Variants in PARN observed in about 807,000 individuals in gnomAD.
The protein encoded by PARN is poly(A)-specific ribonuclease, also known as poly(A)-specific ribonuclease PARN.
A neutral mutation model predicts 102.8 loss-of-function variants in PARN; 71 were observed. The observed-to-expected ratio is 0.69, with a 90% confidence interval of 0.57 to 0.84. The LOEUF is 0.84. Among genes scored for constraint, PARN ranks in the 40% least tolerant of loss-of-function variants. The probability of loss-of-function intolerance (pLI) is 0.00; values close to 1 mark genes in which losing one functional copy is unlikely to be tolerated. For missense variants in PARN, 782 were observed against 760.9 expected (o/e 1.03, Z -0.33); for synonymous variants, 261 against 252.9 (o/e 1.03, Z -0.30).
intron 12 of PARN, among the ~76,000 whole-genome samples, chr16:14,595,159 T>C (rs756499320): frequency 1.3e-5 from 2 of 152,242 alleles, no homozygotes; most frequent in Non-Finnish European, 2.9e-5. Flanking sequence ...TATGGGTTAG[T>C]AGCTCTGAAG....
Position 14,482,640 on chromosome 16 carries a change from A to G in PARN, c.1668T>C (p.Asn556=). The change falls in exon 22 of 24, where the codon AAT becomes AAC. Residue 556 remains asparagine (N), a splice_region_variant and synonymous_variant. Coordinates refer to ENST00000437198, the MANE Select transcript of PARN (RefSeq NM_002582.4). ...YTLQNHYYRN[N]SFTAPSTVGK... is the part of the protein sequence containing the mutation. ...AATTAACAGCTGAGAGCTCTTACCT[A>G]TTGTTGCGGTAATAGTGATTCTGCA... is the stretch of plus-strand genomic sequence containing the variant. 6.3e-7 allele frequency: 1 copy of G among 1,596,972 alleles called. No homozygotes were observed. Among genetic ancestry groups the G allele is most frequent in the Non-Finnish European group, 8.5e-7 (1 of 1,173,162 alleles).
At chr16:14,611,895 G>A (rs1971539238) in intron 6 of PARN, among the ~76,000 whole-genome samples, 1 of 152,084 alleles carries the variant, frequency 6.6e-6, no homozygotes, top group South Asian at 2.1e-4. Flanking sequence ...TGTGGGCAAT[G>A]GGGGTCTCTG....
intron 21 of PARN, among the ~76,000 whole-genome samples, chr16:14,507,266 C>T (rs1254129890): frequency 1.3e-5 from 2 of 150,750 alleles, no homozygotes; most frequent in Non-Finnish European, 3.0e-5. Flanking sequence ...GTGGAGGTTG[C>T]GGTGAGCTGA....
chr16:14,485,273 TTA>T (rs1379786050), intron 21 of PARN, among the ~76,000 whole-genome samples: 19 of 152,232 alleles, frequency 1.2e-4, no homozygotes, highest in Non-Finnish European at 2.4e-4. Flanking sequence ...CTTGGAACAG[TTA>T]TTTTTCTTAC....
intron 12 of PARN, among the ~76,000 whole-genome samples, chr16:14,596,675 G>C (rs1970534137): frequency 6.6e-6 from 1 of 152,076 alleles, no homozygotes; most frequent in South Asian, 2.1e-4. Context: ...GAGCCCGGGA[G>C]GTAGAGGCTG....
At chr16:14,622,803 G>A (rs1294970155) in intron 5 of PARN, among the ~76,000 whole-genome samples, 2 of 152,156 alleles carry the variant, frequency 1.3e-5, no homozygotes, top group African/African-American at 2.4e-5. Flanking sequence ...ACCACACCCG[G>A]CCCATTTTTT....
chr16:14,506,815 A>C (rs1211100429), intron 21 of PARN, among the ~76,000 whole-genome samples: 1 of 152,066 alleles, frequency 6.6e-6, no homozygotes, highest in Non-Finnish European at 1.5e-5. Flanking sequence ...ATATAGTGAG[A>C]TCTCACTGCC....
chr16:14,613,311 A>G (rs1183001933), intron 6 of PARN, among the ~76,000 whole-genome samples: 4 of 145,352 alleles, frequency 2.8e-5, no homozygotes, highest in Admixed American at 1.4e-4. Flanking sequence ...CTCCATCTCA[A>G]AAAAAAAAAA....
chr16:14,537,196 T>C (rs1306351824), intron 21 of PARN, among the ~76,000 whole-genome samples: 1 of 152,054 alleles, frequency 6.6e-6, no homozygotes, highest in East Asian at 1.9e-4. Context: ...ATGTTCAACA[T>C]CACTAAATCA....
intron 21 of PARN, among the ~76,000 whole-genome samples, chr16:14,513,276 T>C (rs1965296827): frequency 6.6e-6 from 1 of 152,090 alleles, no homozygotes; most frequent in South Asian, 2.1e-4. Context: ...AAAAACAAAA[T>C]CATTAACGTA....
At chr16:14,498,545 G>A (rs1040634670) in intron 21 of PARN, among the ~76,000 whole-genome samples, 2 of 152,062 alleles carry the variant, frequency 1.3e-5, no homozygotes, top group African/African-American at 2.4e-5. Flanking sequence ...CAGATGCAGA[G>A]CAGCTCCAGG....
intron 21 of PARN, among the ~76,000 whole-genome samples, chr16:14,541,027 A>G (rs1375610991): frequency 6.6e-6 from 1 of 151,912 alleles, no homozygotes; most frequent in African/African-American, 2.4e-5. Context: ...ACAGTGGCTC[A>G]TGCCTGTAAT....
At chr16:14,523,891 T>A (rs1359438190) in intron 21 of PARN, among the ~76,000 whole-genome samples, 1 of 151,970 alleles carries the variant, frequency 6.6e-6, no homozygotes, top group Non-Finnish European at 1.5e-5. Context: ...GCACTTATAC[T>A]AGATGGTGTA....
chr16:14,488,194 A>G (rs1235481292), intron 21 of PARN, among the ~76,000 whole-genome samples: 2 of 152,212 alleles, frequency 1.3e-5, no homozygotes, highest in Admixed American at 1.3e-4. Flanking sequence ...TGGGGGGGAA[A>G]AAAAAAGAAA....
chr16:14,493,691 G>C (rs937151372), intron 21 of PARN, among the ~76,000 whole-genome samples: 3 of 152,164 alleles, frequency 2.0e-5, no homozygotes, highest in Admixed American at 2.0e-4. Flanking sequence ...ACATGAGCAG[G>C]GGCAGCAGCA....
At chr16:14,622,883 C>A (rs965279943) in intron 5 of PARN, among the ~76,000 whole-genome samples, 2 of 152,066 alleles carry the variant, frequency 1.3e-5, no homozygotes, top group Non-Finnish European at 2.9e-5. Context: ...GTGGGCAGAT[C>A]GCTTGAGCCC....
intron 13 of PARN, among the ~76,000 whole-genome samples, chr16:14,588,649 G>T (rs138436127): frequency 6.6e-6 from 1 of 152,000 alleles, no homozygotes; most frequent in Non-Finnish European, 1.5e-5. Context: ...AAAGCCGAGC[G>T]GGTGGATCAC....
At chr16:14,514,331 CCCA>C (rs1478802664) in intron 21 of PARN, among the ~76,000 whole-genome samples, 2 of 152,076 alleles carry the variant, frequency 1.3e-5, no homozygotes, top group Non-Finnish European at 2.9e-5. Flanking sequence ...ACTACAGGTG[CCCA>C]CCACCATGCC....
intron 18 of PARN, among the ~76,000 whole-genome samples, chr16:14,566,541 T>C (rs765544435): frequency 3.9e-5 from 6 of 152,172 alleles, no homozygotes; most frequent in Admixed American, 2.0e-4. Flanking sequence ...CTAAAACACT[T>C]GGTATTTTAA....
Sources: allele counts gnomAD v4.1 joint callset (sites outside exome capture counted in the v4.1 genomes callset), GRCh38; gene constraint gnomAD v4.1.1; transcripts MANE v1.5; gene names NCBI Gene and HGNC (gene_info 2026-07-23, HGNC 2026-07-21).